KIF2A: variants seen among roughly 807,000 people sequenced by gnomAD.
The protein encoded by KIF2A is kinesin family member 2A.
KIF2A carries 22 observed loss-of-function variants against 100.2 expected under a neutral mutation model. That is an observed-to-expected ratio of 0.22 (90% CI 0.16 to 0.31). KIF2A has a LOEUF of 0.31. Among genes scored for constraint, KIF2A ranks in the 10% least tolerant of loss-of-function variants. KIF2A has a pLI of 1.00. For synonymous variants in KIF2A, 268 were observed against 285.9 expected, an observed-to-expected ratio of 0.94 and a Z score of 0.63; for missense variants, 495 against 898.7, an observed-to-expected ratio of 0.55 and a Z score of 5.74.
chr5:62,323,481 C>T lies in KIF2A; in HGVS notation c.64+16945C>T, dbSNP rs537235472. ...GAGCTTGCAATGAGCTGAGATCACA[C>T]CACTGCACTCCAGCCTGGGCGACAG... On this transcript the variant is annotated intron_variant, in intron 1 of 20. Transcript: ENST00000407818. Among the ~76,000 whole-genome samples the T allele has an allele frequency of 1.3e-3, 204 of 151,138 alleles. 1 individual carries two copies. Among genetic ancestry groups the T allele is most frequent in the African/African-American group, 4.8e-3 (198 of 41,120 alleles).
intron 1 of KIF2A, among the ~76,000 whole-genome samples, chr5:62,335,732 A>G (rs991074099): frequency 4.6e-5 from 7 of 152,166 alleles, no homozygotes; most frequent in African/African-American, 1.7e-4. Flanking sequence ...ATTTTTAATT[A>G]AATATTTTAA....
rs115735372 is a variant in KIF2A, at chr5:62,326,672, A to G, written c.64+20136A>G. 4.9e-3 allele frequency among the ~76,000 whole-genome samples: 739 copies of G among 151,810 alleles called. 4 individuals are homozygous for G. Among genetic ancestry groups the G allele is most frequent in the African/African-American group, 0.017 (699 of 41,392 alleles). On this transcript the variant is annotated intron_variant, in intron 1 of 20. Transcript: ENST00000407818. The stretch of plus-strand genomic sequence containing the variant: ...CTGAGTCATTTCCATCAATATGGAA[A>G]TGCTGTTATTTCTCCCATCCGAAAA...
intron 7 of KIF2A, among the ~76,000 whole-genome samples, chr5:62,355,800 T>G (rs1748071521): frequency 7.8e-6 from 1 of 127,746 alleles, no homozygotes; most frequent in Non-Finnish European, 1.7e-5. Context: ...AGGGAGTGCC[T>G]TTTTTTTTTT....
intron 1 of KIF2A, among the ~76,000 whole-genome samples, chr5:62,328,229 A>C (rs1483527822): frequency 6.6e-6 from 1 of 152,160 alleles, no homozygotes; most frequent in African/African-American, 2.4e-5. Context: ...GATACGAAGA[A>C]TAGCCTTTTA....
At chr5:62,323,610 A>G (rs1004636829) in intron 1 of KIF2A, among the ~76,000 whole-genome samples, 1 of 152,182 alleles carries the variant, frequency 6.6e-6, no homozygotes, top group Non-Finnish European at 1.5e-5. Context: ...AGTTGATAGG[A>G]TAGCTAGAAT....
chr5:62,360,641 C>T (rs932998068), intron 9 of KIF2A, among the ~76,000 whole-genome samples: 4 of 151,784 alleles, frequency 2.6e-5, no homozygotes, highest in Non-Finnish European at 4.4e-5. Context: ...GCTGAGATCG[C>T]GCCATTTGCA....
chr5:62,352,564 A>T, intron 4 of KIF2A, 24 bp from the exon 5 acceptor site: 2 of 1,487,348 alleles, frequency 1.3e-6, no homozygotes, highest in Non-Finnish European at 1.8e-6. Flanking sequence ...TCCTGAATTT[A>T]AAATTTTTTT....
chr5:62,381,130 T>C lies in KIF2A; in HGVS notation c.2026T>C (p.Trp676Arg). The change falls in exon 20 of 21, where the codon TGG becomes CGG. Residue 676 changes from tryptophan to arginine, a missense_variant. This residue lies in a region of KIF2A where 58 missense variants were observed against 94.8 expected (regional missense o/e 0.61). Transcript: ENST00000407818. ...HRAVFQESIR[W>R]LEDEKALLEM... ...TTTGTCCTTGTAGGAATCTATTCGG[T>C]GGTTAGAAGATGAAAAGGCCCTCTT... 1 of 1,611,040 alleles carries C rather than the reference T, an allele frequency of 6.2e-7. No individual in the cohort carries two copies. Among genetic ancestry groups the C allele is most frequent in the Non-Finnish European group, 8.5e-7 (1 of 1,177,610 alleles).
intron 7 of KIF2A, among the ~76,000 whole-genome samples, chr5:62,357,394 T>G (rs550246653): frequency 2.0e-5 from 3 of 152,298 alleles, no homozygotes; most frequent in South Asian, 4.1e-4. Flanking sequence ...TCCTCACAGC[T>G]TCTTAATGTG....
intron 1 of KIF2A, among the ~76,000 whole-genome samples, chr5:62,317,493 G>T (rs940874464): frequency 6.6e-6 from 1 of 152,196 alleles, no homozygotes; most frequent in Non-Finnish European, 1.5e-5. Context: ...AAGTTGACTT[G>T]TCCAAGGTCA....
At chr5:62,347,299 C>T (rs879400224) in intron 2 of KIF2A, 75 bp downstream of exon 2, 11 of 779,230 alleles carry the variant, frequency 1.4e-5, no homozygotes, top group African/African-American at 5.3e-5. Context: ...CAGAAAAGTA[C>T]ATAATGTTAT....
rs1368587742 is a variant in KIF2A at position 62,388,541 on chromosome 5, G to C, written c.*2972G>C. The C allele has an allele frequency of 6.5e-6, 1 of 154,498 alleles. No individual in the cohort carries two copies. The highest frequency in any genetic ancestry group is 2.4e-5 in the African/African-American group (1 of 41,474). The allele number at this position is 154,498 out of a possible 1,614,324, so 9.6% of individuals were successfully genotyped here. On this transcript the variant is annotated 3_prime_UTR_variant, in exon 21 of 21. Coordinates refer to ENST00000407818, the MANE Select transcript of KIF2A (RefSeq NM_001098511.3). ...AATAAAAATAATTTAAGAAACAATT[G>C]TTTTACTGTACATGTGAATAACAAG...
intron 1 of KIF2A, among the ~76,000 whole-genome samples, chr5:62,311,227 A>G (rs1745539639): frequency 1.3e-5 from 2 of 152,214 alleles, no homozygotes; most frequent in Non-Finnish European, 2.9e-5. Flanking sequence ...GAACTATGAC[A>G]GTAAAGGAGG....
At position 62,306,641 on chromosome 5, in the gene KIF2A, G is replaced by C. The variant is rs1235766148; in HGVS notation, c.64+105G>C. 7.3e-6 allele frequency: 7 copies of C among 956,982 alleles called. No homozygotes were observed. The South Asian group carries it at 7.7e-5, about 11-fold the overall frequency. The allele number at this position is 956,982 out of a possible 1,614,324, so 59.3% of individuals were successfully genotyped here. A position where few individuals can be genotyped will look rare whatever the true frequency, so the allele number is the denominator to read the frequency against. ...CTCATTGATTGCTTCGCCGGGCTGT[G>C]GGGGTGGGAAGGCGGCGGCCGCGGC... On this transcript the variant is annotated intron_variant, in intron 1 of 20. Coordinates refer to ENST00000407818, the MANE Select transcript of KIF2A (RefSeq NM_001098511.3).
intron 1 of KIF2A, among the ~76,000 whole-genome samples, chr5:62,333,181 T>A (rs1242641177): frequency 6.6e-6 from 1 of 152,246 alleles, no homozygotes; most frequent in Non-Finnish European, 1.5e-5. Context: ...TATAAATCTT[T>A]CCTTACATAA....
At chr5:62,339,350 T>G (rs1747150552) in intron 1 of KIF2A, among the ~76,000 whole-genome samples, 1 of 151,610 alleles carries the variant, frequency 6.6e-6, no homozygotes, top group African/African-American at 2.4e-5. Flanking sequence ...ACCCCAGTGA[T>G]CTAGTCACCT....
At chr5:62,352,152 CAA>C (rs35310169) in intron 4 of KIF2A, among the ~76,000 whole-genome samples, 9 of 118,936 alleles carry the variant, frequency 7.6e-5, no homozygotes, top group Admixed American at 1.8e-4. Context: ...GACTTCATCT[CAA>C]AAAAAAAAAA....
intron 1 of KIF2A, among the ~76,000 whole-genome samples, chr5:62,322,398 T>A (rs1746144785): frequency 6.6e-6 from 1 of 152,204 alleles, no homozygotes; most frequent in South Asian, 2.1e-4. Context: ...CAGTTATCTA[T>A]TTTTTCTTTT....
At chr5:62,361,631 A>G in intron 11 of KIF2A, 102 bp downstream of exon 11, 3 of 672,298 alleles carry the variant, frequency 4.5e-6, no homozygotes, top group South Asian at 3.8e-5. Context: ...CTATAATGCT[A>G]TATTAACTGT....
Sources: allele counts gnomAD v4.1 joint callset (sites outside exome capture counted in the v4.1 genomes callset), GRCh38; gene constraint gnomAD v4.1.1; regional missense constraint gnomAD v4.1.1; transcripts MANE v1.5; gene names NCBI Gene and HGNC (gene_info 2026-07-23, HGNC 2026-07-21).